SLC38A12: variants seen among roughly 807,000 people sequenced by gnomAD.
The protein encoded by SLC38A12 is putative sodium-coupled neutral amino acid transporter 12.
chr17:74,785,330 A>G, the SLC38A12 span: 5 of 1,102,668 alleles, frequency 4.5e-6, no homozygotes, highest in Non-Finnish European at 5.2e-6. Flanking sequence ...CTTAGGCCCC[A>G]GGTGTAATTC....
the SLC38A12 span, among the ~76,000 whole-genome samples, chr17:74,798,861 A>G: frequency 6.6e-6 from 1 of 151,518 alleles, no homozygotes; most frequent in Non-Finnish European, 1.5e-5. Context: ...TTCTTTCTGC[A>G]GTTTCTCCGG....
chr17:74,807,333 G>A, the SLC38A12 span, among the ~76,000 whole-genome samples: 2 of 152,326 alleles, frequency 1.3e-5, no homozygotes, highest in Middle Eastern at 3.4e-3. Context: ...GCTGCGTCTC[G>A]TTCACCTTTC....
At chr17:74,836,342 ACT>A in the SLC38A12 span, 1 of 1,612,156 alleles carries the variant, frequency 6.2e-7, no homozygotes, top group Non-Finnish European at 8.5e-7. The surrounding 1 kb of genome is among the most constrained non-coding windows in gnomAD (Gnocchi z 4.2). Flanking sequence ...ACTGGAAGAC[ACT>A]CTTCCACCGC....
the SLC38A12 span, among the ~76,000 whole-genome samples, chr17:74,789,595 C>T: frequency 6.6e-6 from 1 of 151,092 alleles, no homozygotes; most frequent in South Asian, 2.1e-4. Context: ...CCTGCAATCC[C>T]AGCACTTTGG....
At chr17:74,782,831 A>G in the SLC38A12 span, among the ~76,000 whole-genome samples, 8 of 152,190 alleles carry the variant, frequency 5.3e-5, no homozygotes, top group Admixed American at 2.0e-4. Flanking sequence ...TGTCTGTGGG[A>G]TCAAATTGAG....
chr17:74,820,377 A>G, the SLC38A12 span, among the ~76,000 whole-genome samples: 1 of 152,174 alleles, frequency 6.6e-6, no homozygotes, highest in Non-Finnish European at 1.5e-5. Context: ...CTTCTAACCA[A>G]CGGACACTGT....
chr17:74,836,398 CCACCAT>C, the SLC38A12 span: 16 of 1,611,494 alleles, frequency 9.9e-6, no homozygotes, highest in Non-Finnish European at 1.4e-5. This position sits in a 1 kb window ranked among gnomAD's most constrained non-coding sequence, Gnocchi z 4.2. Context: ...GTCGTGTTTC[CCACCAT>C]CACCCTGGTG....
At chr17:74,830,713 G>A in the SLC38A12 span, among the ~76,000 whole-genome samples, 11 of 152,256 alleles carry the variant, frequency 7.2e-5, no homozygotes, top group East Asian at 1.5e-3. Flanking sequence ...GGGAAGGCAG[G>A]CACCTTCTCT....
At chr17:74,795,623 C>T in the SLC38A12 span, 3 of 1,613,568 alleles carry the variant, frequency 1.9e-6, no homozygotes, top group African/African-American at 1.3e-5. Context: ...ACGCCTACCG[C>T]ATCTACTTGG....
the SLC38A12 span, among the ~76,000 whole-genome samples, chr17:74,823,727 A>G: frequency 2.6e-5 from 4 of 152,148 alleles, no homozygotes; most frequent in African/African-American, 4.8e-5. Context: ...GCTCACCCCC[A>G]GGTGGCCACC....
chr17:74,836,093 C>T, the SLC38A12 span: 5 of 1,613,984 alleles, frequency 3.1e-6, no homozygotes, highest in Non-Finnish European at 4.2e-6. This position sits in a 1 kb window ranked among gnomAD's most constrained non-coding sequence, Gnocchi z 4.2. Context: ...CCGTCTCCTC[C>T]AAGCGCCACC....
At chr17:74,810,758 T>A in the SLC38A12 span, among the ~76,000 whole-genome samples, 3 of 152,220 alleles carry the variant, frequency 2.0e-5, no homozygotes, top group Non-Finnish European at 4.4e-5. Context: ...TAGTTCCTTG[T>A]GAAAGTGCAA....
At chr17:74,792,765 G>T in the SLC38A12 span, among the ~76,000 whole-genome samples, 3 of 152,214 alleles carry the variant, frequency 2.0e-5, no homozygotes, top group Non-Finnish European at 4.4e-5. Flanking sequence ...CCTAGGGCCT[G>T]GTTCACCCTC....
At chr17:74,825,456 G>T in the SLC38A12 span, among the ~76,000 whole-genome samples, 1 of 152,372 alleles carries the variant, frequency 6.6e-6, no homozygotes, top group Middle Eastern at 3.4e-3. Context: ...AAGGTAAAGT[G>T]GGCAGGTAAT....
chr17:74,785,790 G>C, the SLC38A12 span: 23 of 731,378 alleles, frequency 3.1e-5, no homozygotes, highest in Admixed American at 1.2e-4. Flanking sequence ...CTGGTGGCTT[G>C]TCTTTGTGGA....
At chr17:74,778,927 C>T in the SLC38A12 span, among the ~76,000 whole-genome samples, 5 of 152,118 alleles carry the variant, frequency 3.3e-5, no homozygotes, top group African/African-American at 1.2e-4. Context: ...CTCAGCCTCC[C>T]AAAGTGCTGG....
chr17:74,823,033 A>G, the SLC38A12 span, among the ~76,000 whole-genome samples: 3 of 152,188 alleles, frequency 2.0e-5, no homozygotes, highest in African/African-American at 7.2e-5. Flanking sequence ...TGTCCTCTCA[A>G]GTCTGTGCCA....
chr17:74,799,202 T>C, the SLC38A12 span, among the ~76,000 whole-genome samples: 1 of 152,368 alleles, frequency 6.6e-6, no homozygotes, highest in East Asian at 1.9e-4. Flanking sequence ...TGAAAGCCTC[T>C]GAAAGCCTCT....
At chr17:74,822,695 T>C in the SLC38A12 span, among the ~76,000 whole-genome samples, 1 of 152,228 alleles carries the variant, frequency 6.6e-6, no homozygotes, top group African/African-American at 2.4e-5. Context: ...GGCACAGCCC[T>C]CTCGCCAGAA....
Sources: allele counts gnomAD v4.1 joint callset (sites outside exome capture counted in the v4.1 genomes callset), GRCh38; gene constraint gnomAD v4.1.1; non-coding constraint Gnocchi (gnomAD v3.1); transcripts MANE v1.5; gene names NCBI Gene and HGNC (gene_info 2026-07-23, HGNC 2026-07-21).